Variants in MAF observed in about 807,000 individuals in gnomAD.
The protein encoded by MAF is transcription factor Maf.
In MAF, 10 loss-of-function variants were observed where a neutral mutation model predicts 22.0. The ratio of observed to expected loss-of-function variants is 0.45; its 90% CI spans 0.28 to 0.77. The LOEUF (loss-of-function observed/expected upper bound fraction) is 0.77, where lower values mean the gene tolerates loss of function less well. MAF is among the 30% of genes least tolerant of loss of function. MAF has a pLI of 0.12. For synonymous variants in MAF, 337 were observed against 255.8 expected, an observed-to-expected ratio of 1.32 and a Z score of -3.03; for missense variants, 544 against 548.4, an observed-to-expected ratio of 0.99 and a Z score of 0.08.
the MAF span, among the ~76,000 whole-genome samples, chr16:79,488,425 T>A: frequency 6.6e-6 from 1 of 151,776 alleles, no homozygotes; most frequent in Non-Finnish European, 1.5e-5. Flanking sequence ...CCTAGTACAC[T>A]GGTGACCTTG....
the MAF span, among the ~76,000 whole-genome samples, chr16:79,340,533 G>A: frequency 1.3e-5 from 2 of 151,644 alleles, no homozygotes; most frequent in African/African-American, 4.8e-5. Flanking sequence ...ACAGCCAACA[G>A]CAAAATTTTT....
intron 1 of MAF, among the ~76,000 whole-genome samples, chr16:79,586,342 C>T (rs1042681394): frequency 1.3e-5 from 2 of 152,158 alleles, no homozygotes; most frequent in Admixed American, 6.5e-5. Flanking sequence ...TCAGGCTGTC[C>T]GCCCCTGGGA....
chr16:79,433,164 A>G, the MAF span, among the ~76,000 whole-genome samples: 1 of 151,884 alleles, frequency 6.6e-6, no homozygotes, highest in Non-Finnish European at 1.5e-5. Flanking sequence ...GTGCACCTTA[A>G]ATCTTTCATT....
the MAF span, among the ~76,000 whole-genome samples, chr16:79,275,825 C>A: frequency 1.6e-3 from 237 of 152,208 alleles, 3 homozygotes; most frequent in African/African-American, 5.6e-3. Flanking sequence ...CATTGGAAAC[C>A]ATGTATTGAT....
At chr16:79,403,597 G>A in the MAF span, among the ~76,000 whole-genome samples, 1 of 152,268 alleles carries the variant, frequency 6.6e-6, no homozygotes, top group East Asian at 1.9e-4. Flanking sequence ...TTCAAGCTCT[G>A]CCAGGGGCCT....
the MAF span, among the ~76,000 whole-genome samples, chr16:79,234,222 AC>A: frequency 1.3e-5 from 2 of 152,006 alleles, no homozygotes; most frequent in African/African-American, 4.8e-5. Flanking sequence ...TGTGACACTT[AC>A]TTGTAAGCCA....
chr16:79,322,378 C>T, the MAF span, among the ~76,000 whole-genome samples: 1 of 152,126 alleles, frequency 6.6e-6, no homozygotes, highest in South Asian at 2.1e-4. Context: ...GACTGGGTCA[C>T]TCTGTGGATT....
At chr16:79,544,761 A>C in the MAF span, among the ~76,000 whole-genome samples, 12,127 of 128,454 alleles carry the variant, frequency 0.094, 568 homozygotes, top group South Asian at 0.17. Context: ...CGACAGAGCA[A>C]GGCTCTGTCT....
chr16:79,358,584 G>A, the MAF span, among the ~76,000 whole-genome samples: 1 of 152,178 alleles, frequency 6.6e-6, no homozygotes, highest in East Asian at 1.9e-4. Context: ...TCCCACCTTG[G>A]CAGCTGCTCA....
the MAF span, among the ~76,000 whole-genome samples, chr16:79,312,988 T>C: frequency 6.6e-6 from 1 of 152,030 alleles, no homozygotes; most frequent in Non-Finnish European, 1.5e-5. Context: ...GAGAGAGAAG[T>C]TGCATGCAAT....
At chr16:79,206,417 T>C in the MAF span, 1 of 152,170 alleles carries the variant, frequency 6.6e-6, no homozygotes, top group African/African-American at 2.4e-5. Context: ...TTTGGACGAG[T>C]TGCTTTTGAT....
chr16:79,283,462 T>A, the MAF span, among the ~76,000 whole-genome samples: 1 of 152,226 alleles, frequency 6.6e-6, no homozygotes, highest in African/African-American at 2.4e-5. Flanking sequence ...TTTAAAAAGA[T>A]CCTCAAATGC....
the MAF span, among the ~76,000 whole-genome samples, chr16:79,323,789 G>A: frequency 1.3e-5 from 2 of 150,678 alleles, no homozygotes; most frequent in East Asian, 1.9e-4. Context: ...AGGAAATAAC[G>A]AGGGGACCTG....
At chr16:79,479,046 G>T in the MAF span, among the ~76,000 whole-genome samples, 1 of 150,748 alleles carries the variant, frequency 6.6e-6, no homozygotes, top group Admixed American at 6.6e-5. Flanking sequence ...TAGTATCCTA[G>T]TGTGCCTGTG....
chr16:79,511,971 A>G, the MAF span, among the ~76,000 whole-genome samples: 17 of 152,162 alleles, frequency 1.1e-4, no homozygotes, highest in Admixed American at 3.3e-4. Context: ...TATATATTCA[A>G]CATCTCAGGG....
At chr16:79,211,523 T>G in the MAF span, 19 of 1,579,074 alleles carry the variant, frequency 1.2e-5, no homozygotes, top group Non-Finnish European at 1.6e-5. Flanking sequence ...GGGGGAGGCC[T>G]GCTAATGCCC....
the MAF span, among the ~76,000 whole-genome samples, chr16:79,470,626 TG>T: frequency 3.1e-3 from 477 of 152,350 alleles, 3 homozygotes; most frequent in African/African-American, 0.011. Context: ...TGGAACTTAC[TG>T]GGTATTATTC....
At chr16:79,334,922 C>T in the MAF span, among the ~76,000 whole-genome samples, 1 of 151,834 alleles carries the variant, frequency 6.6e-6, no homozygotes, top group Non-Finnish European at 1.5e-5. Context: ...TGCAGTGGCT[C>T]ACACCTGTAA....
At chr16:79,232,063 A>T in the MAF span, among the ~76,000 whole-genome samples, 14 of 151,998 alleles carry the variant, frequency 9.2e-5, no homozygotes, top group Non-Finnish European at 1.9e-4. Context: ...GTGGAGCTCA[A>T]GTGGTAATGT....
Sources: gnomAD v4.1 joint callset for allele counts (sites outside exome capture counted in the v4.1 genomes callset) on GRCh38, gnomAD v4.1.1 for gene constraint, MANE v1.5 for transcripts, NCBI Gene and HGNC (gene_info 2026-07-23, HGNC 2026-07-21) for gene names.